ADGRD1: variants seen among roughly 807,000 people sequenced by gnomAD.
ADGRD1 encodes the protein G-protein coupled receptor 133.
A neutral mutation model predicts 113.4 loss-of-function variants in ADGRD1; 77 were observed. That is an observed-to-expected ratio of 0.68 (90% CI 0.57 to 0.82). The LOEUF (loss-of-function observed/expected upper bound fraction) is 0.82. Among genes scored for constraint, ADGRD1 ranks in the 40% least tolerant of loss-of-function variants. The probability of loss-of-function intolerance (pLI) is 0.00; values close to 1 mark genes in which losing one functional copy is unlikely to be tolerated. For missense variants in ADGRD1, 1,036 were observed against 1,139.1 expected, an observed-to-expected ratio of 0.91 and a Z score of 1.30; for synonymous variants, 474 against 475.0, an observed-to-expected ratio of 1.00 and a Z score of 0.03.
intron 15 of ADGRD1, among the ~76,000 whole-genome samples, chr12:131,097,456 C>T (rs903602244): frequency 1.3e-5 from 2 of 152,234 alleles, no homozygotes; most frequent in Non-Finnish European, 2.9e-5. Context: ...TACCTGTCCC[C>T]GGGCTGTCGG....
At chr12:131,125,962 T>C (rs1593259019) in intron 20 of ADGRD1, among the ~76,000 whole-genome samples, 1 of 152,334 alleles carries the variant, frequency 6.6e-6, no homozygotes. Flanking sequence ...CATGTCTTGC[T>C]TTCACACCAC....
chr12:130,994,279 A>C (rs1470905775), intron 8 of ADGRD1: 1 of 451,228 alleles, frequency 2.2e-6, no homozygotes, highest in East Asian at 7.0e-5. Flanking sequence ...TAAGTGCTTT[A>C]TTAATACGAA....
chr12:131,037,097 T>TGGGCCTCACTCACGGCACC (rs1881546204), intron 13 of ADGRD1, among the ~76,000 whole-genome samples: 2 of 109,736 alleles, frequency 1.8e-5, no homozygotes, highest in South Asian at 3.3e-4. Context: ...CTCACTGCAC[T>TGGGCCTCACTCACGGCACC]GGGCCTCACT....
intron 20 of ADGRD1, among the ~76,000 whole-genome samples, chr12:131,128,935 G>T (rs113709903): frequency 2.0e-5 from 3 of 147,428 alleles, no homozygotes. Flanking sequence ...TGACAGCCCC[G>T]CCCTGCTGTC....
intron 3 of ADGRD1, chr12:130,967,067 G>C (rs1169841028): frequency 2.2e-6 from 1 of 455,108 alleles, no homozygotes; most frequent in South Asian, 1.5e-5. Context: ...TGCAAGTCAG[G>C]CGTCTGTTTT....
Position 130,971,397 on chromosome 12 carries a change from T to C in ADGRD1, c.188-61T>C, listed in dbSNP as rs528268194. 9 of 1,448,416 alleles carry C rather than the reference T, an allele frequency of 6.2e-6. No individual in the cohort carries two copies. In the South Asian group the frequency reaches 8.6e-5, roughly 14 times the overall value. 89.7% of individuals were successfully genotyped at this position (1,448,416 alleles called of 1,614,324 possible). On this transcript the variant is annotated intron_variant, in intron 3 of 24. Transcript: ENST00000261654. This position sits in a 1 kb window ranked among gnomAD's most constrained non-coding sequence, Gnocchi z 4.2. ...AAGTTATTTGTAGGTCTGACACACA[T>C]CTTCAGACTTTTAATCTCGGAAGGT...
intron 13 of ADGRD1, among the ~76,000 whole-genome samples, chr12:131,066,343 A>G (rs1480737025): frequency 1.3e-5 from 2 of 151,962 alleles, no homozygotes; most frequent in African/African-American, 4.8e-5. Flanking sequence ...CCTGCTGCTC[A>G]CTCCGAGGGG....
chr12:131,116,191 C>A (rs1276295992), intron 18 of ADGRD1, among the ~76,000 whole-genome samples: 1 of 152,166 alleles, frequency 6.6e-6, no homozygotes, highest in Non-Finnish European at 1.5e-5. Context: ...TTACCCATGG[C>A]TTGGCCTCTG....
intron 3 of ADGRD1, chr12:130,968,654 C>T: frequency 3.1e-6 from 1 of 318,662 alleles, no homozygotes; most frequent in African/African-American, 2.2e-5. Flanking sequence ...TTATGAGTGG[C>T]CAAGTTCAAT....
intron 16 of ADGRD1, 61 bp from the exon 17 acceptor site, chr12:131,105,693 C>A: frequency 7.4e-7 from 1 of 1,352,148 alleles, no homozygotes; most frequent in Non-Finnish European, 1.0e-6. Flanking sequence ...GGCCAGGGAG[C>A]CCAGCCTGGG....
rs534813567 is a variant in ADGRD1 at position 131,083,523 on chromosome 12, C to T, written c.1548-1017C>T. On this transcript the variant is annotated intron_variant, in intron 14 of 24. Coordinates refer to ENST00000261654, the MANE Select transcript of ADGRD1 (RefSeq NM_198827.5). ...TTGGGAGGCTGAGGTGGGAGGATCA[C>T]GTGAGCGCAGGAGGTCAAGACTGCA... is the stretch of plus-strand genomic sequence containing the variant. 2.8e-4 allele frequency among the ~76,000 whole-genome samples: 43 copies of T among 152,282 alleles called. No individual in the cohort carries two copies. In the South Asian group the frequency reaches 5.2e-3, roughly 18 times the overall value.
chr12:131,017,238 CCAGTCCACATACACT>C (rs1878668980), intron 13 of ADGRD1, among the ~76,000 whole-genome samples: 1 of 151,678 alleles, frequency 6.6e-6, no homozygotes, highest in Non-Finnish European at 1.5e-5. Context: ...CCACACACAC[CCAGTCCACATACACT>C]CAGTCCACAC....
At chr12:130,983,097 T>G (rs973578577) in intron 5 of ADGRD1, among the ~76,000 whole-genome samples, 1 of 152,198 alleles carries the variant, frequency 6.6e-6, no homozygotes, top group Non-Finnish European at 1.5e-5. Context: ...ACGTTGGTAG[T>G]TGTGTGAACC....
intron 4 of ADGRD1, among the ~76,000 whole-genome samples, chr12:130,979,815 TCTCACACACACA>T (rs1293813358): frequency 0.016 from 2,227 of 139,816 alleles, 20 homozygotes; most frequent in Middle Eastern, 0.022. Flanking sequence ...GCAGCTAGTG[TCTCACACACACA>T]CACACACACA....
Position 131,004,408 on chromosome 12 carries a change from G to GGGCCGCCTGCGGTGCTCCCCCC in ADGRD1, c.1255+133_1255+134insCGGCCGCCTGCGGTGCTCCCCC, listed in dbSNP as rs1555243433. On this transcript the variant is annotated intron_variant, in intron 11 of 24. Coordinates refer to ENST00000261654, the MANE Select transcript of ADGRD1 (RefSeq NM_198827.5). Reference sequence around the variant, plus strand: ...CGCCAGGGAGCTGCGGTGCTCCCCCGGGCCGCCTGCGGTGCTCCCCCGGAC... The same window carrying GGGCCGCCTGCGGTGCTCCCCCC: ...CGCCAGGGAGCTGCGGTGCTCCCCCGGGCCGCCTGCGGTGCTCCCCCCGGCCGCCTGCGGTGCTCCCCCGGAC... The GGGCCGCCTGCGGTGCTCCCCCC allele has an allele frequency of 1.1e-4, 93 of 827,308 alleles. 1 individual carries two copies. Among genetic ancestry groups the GGGCCGCCTGCGGTGCTCCCCCC allele is most frequent in the Admixed American group, 7.7e-4 (37 of 47,988 alleles). 51.2% of individuals were successfully genotyped at this position (827,308 alleles called of 1,614,324 possible).
rs1163696214 is a variant in ADGRD1, at chr12:131,139,239, C to G, written c.2601C>G (p.His867Gln). 6.2e-6 allele frequency: 10 copies of G among 1,612,884 alleles called. No homozygotes were observed. The highest frequency in any genetic ancestry group is 4.5e-5 in the East Asian group (2 of 44,874). The stretch of plus-strand genomic sequence containing the variant: ...GGGACAAGAGCAGCCACTCTGCCCA[C>G]CGCGTCGACCTGTCAGCCGTGTGAG... Reference protein sequence around the residue: ...SPWDKSSHSAHRVDLSAV With the variant: ...SPWDKSSHSAQRVDLSAV Residue 867 changes from histidine to glutamine, a missense_variant, in exon 25 of 25, where the codon CAC becomes CAG. By Grantham distance (24) the His-to-Gln change is conservative (BLOSUM62 0). Transcript: ENST00000261654.
chr12:131,089,000 G>T (rs1593193062), intron 15 of ADGRD1, among the ~76,000 whole-genome samples: 1 of 152,136 alleles, frequency 6.6e-6, no homozygotes, highest in Non-Finnish European at 1.5e-5. Context: ...GTGGAGTGAG[G>T]CCCCACCGGT....
At chr12:131,108,123 C>CTT (rs1950273035) in intron 17 of ADGRD1, among the ~76,000 whole-genome samples, 1 of 152,224 alleles carries the variant, frequency 6.6e-6, no homozygotes, top group South Asian at 2.1e-4. Flanking sequence ...TCCCAAGGCC[C>CTT]TGCCTTTCTG....
chr12:131,066,539 T>A (rs1884736550), intron 13 of ADGRD1, among the ~76,000 whole-genome samples: 1 of 152,186 alleles, frequency 6.6e-6, no homozygotes, highest in Admixed American at 6.5e-5. Flanking sequence ...GGAGTGCCCC[T>A]GCATGCCTGC....
Sources: allele counts gnomAD v4.1 joint callset (sites outside exome capture counted in the v4.1 genomes callset), GRCh38; gene constraint gnomAD v4.1.1; non-coding constraint Gnocchi (gnomAD v3.1); transcripts MANE v1.5; gene names NCBI Gene and HGNC (gene_info 2026-07-23, HGNC 2026-07-21).